DMD: variants seen among roughly 807,000 people sequenced by gnomAD.
DMD encodes the protein dystrophin, also known as mutant dystrophin.
DMD carries 63 observed loss-of-function variants against 330.1 expected under a neutral mutation model. The observed-to-expected ratio is 0.19, with a 90% CI of 0.16 to 0.24. The LOEUF is 0.24. Among genes scored for constraint, DMD ranks in the 10% least tolerant of loss-of-function variants. The pLI is 1.00. For synonymous variants in DMD, 1,223 were observed against 959.8 expected, an observed-to-expected ratio of 1.27 and a Z score of -5.07; for missense variants, 3,344 against 2,684.1, an observed-to-expected ratio of 1.25 and a Z score of -5.43.
At chrX:32,067,415 C>A (rs1306632316) in intron 44 of DMD, among the ~76,000 whole-genome samples, 1 of 110,225 alleles carries the variant, frequency 9.1e-6, no homozygotes, top group Non-Finnish European at 1.9e-5. Context: ...GGATATATGG[C>A]GTGATGCTGA....
intron 39 of DMD, 137 bp from the exon 40 acceptor site, chrX:32,343,423 A>G: frequency 5.2e-6 from 3 of 576,782 alleles, no homozygotes; most frequent in South Asian, 3.2e-5. Context: ...AATGCAAAAT[A>G]TACAAAGACA....
chrX:32,570,167 T>C (rs914038331), intron 15 of DMD, among the ~76,000 whole-genome samples: 1 of 111,664 alleles, frequency 9.0e-6, no homozygotes, highest in Non-Finnish European at 1.9e-5. Context: ...ATTACACTTA[T>C]TGTAAAGAGA....
intron 2 of DMD, among the ~76,000 whole-genome samples, chrX:33,006,243 C>A (rs775653698): frequency 2.3e-3 from 260 of 111,305 alleles, no homozygotes; most frequent in African/African-American, 7.2e-3. Flanking sequence ...ATAGACAAAC[C>A]GTTTCTAAAG....
chrX:32,480,021 G>C (rs1436495702), intron 21 of DMD, among the ~76,000 whole-genome samples: 3 of 111,133 alleles, frequency 2.7e-5, no homozygotes, highest in Non-Finnish European at 5.7e-5. Flanking sequence ...CTGGTAAGGA[G>C]TTAATATCCA....
intron 9 of DMD, among the ~76,000 whole-genome samples, chrX:32,680,077 C>G (rs1324548988): frequency 9.3e-6 from 1 of 107,281 alleles, no homozygotes; most frequent in Non-Finnish European, 1.9e-5. Context: ...CCACACCTGG[C>G]TGATTTTTGT....
intron 7 of DMD, among the ~76,000 whole-genome samples, chrX:32,765,143 T>G (rs2072818534): frequency 9.1e-6 from 1 of 110,066 alleles, no homozygotes; most frequent in African/African-American, 3.3e-5. Context: ...TAATTGCTGT[T>G]TTTCTGTTGT....
intron 44 of DMD, among the ~76,000 whole-genome samples, chrX:32,182,364 ATACTT>A (rs1436773483): frequency 1.8e-5 from 2 of 111,994 alleles, no homozygotes; most frequent in Admixed American, 1.9e-4. Flanking sequence ...AAATACAGAA[ATACTT>A]TACAGCCTTA....
At chrX:33,195,889 A>G (rs1434227625) in intron 1 of DMD, among the ~76,000 whole-genome samples, 2 of 111,143 alleles carry the variant, frequency 1.8e-5, no homozygotes, top group African/African-American at 6.5e-5. Context: ...GTAGTCATTC[A>G]TTTGTGTACC....
intron 16 of DMD, among the ~76,000 whole-genome samples, chrX:32,559,533 A>C (rs2050754496): frequency 9.0e-6 from 1 of 111,645 alleles, no homozygotes; most frequent in Non-Finnish European, 1.9e-5. Context: ...AGAGAGGCAA[A>C]CCATTTGCAA....
intron 1 of DMD, among the ~76,000 whole-genome samples, chrX:33,049,592 C>T (rs763103250): frequency 9.0e-6 from 1 of 110,604 alleles, no homozygotes; most frequent in African/African-American, 3.3e-5. Context: ...GCATAGACTG[C>T]CTTTTTTTTT....
chrX:31,997,493 T>G (rs1312596347), intron 44 of DMD, among the ~76,000 whole-genome samples: 2 of 109,670 alleles, frequency 1.8e-5, no homozygotes, highest in Admixed American at 2.0e-4. Context: ...AACTAACTCT[T>G]TAAACACTAA....
Position 32,013,417 on chromosome X carries a change from C to T in DMD, c.6439-44903G>A, listed in dbSNP as rs547776235. Among the ~76,000 whole-genome samples, 20 of 111,270 alleles carry T rather than the reference C, an allele frequency of 1.8e-4. No individual in the cohort carries two copies. In the South Asian group the frequency reaches 3.4e-3, roughly 19 times the overall value. ...CTTTCTTTTTATAATAAATGCAAAT[C>T]GTACTTCAACTGTGCATTCTAGGGC... On this transcript the variant is annotated intron_variant, in intron 44 of 78. Coordinates refer to ENST00000357033, the MANE Select transcript of DMD (RefSeq NM_004006.3).
At position 32,962,038 on chromosome X, in the gene DMD, T is replaced by A. The variant is rs182954210; in HGVS notation, c.93+58101A>T. On this transcript the variant is annotated intron_variant, in intron 2 of 78. Transcript: ENST00000357033. ...ACAATAATAGAATATTATACTTTTC[T>A]AGCTGGGGAAGGCTGATGACACAAA... 2.5e-4 allele frequency among the ~76,000 whole-genome samples: 28 copies of A among 111,866 alleles called. 1 individual carries two copies. The highest frequency in any genetic ancestry group is 2.5e-3 in the Admixed American group (26 of 10,454).
intron 11 of DMD, among the ~76,000 whole-genome samples, chrX:32,618,979 G>T (rs930153856): frequency 3.6e-5 from 4 of 111,179 alleles, no homozygotes; most frequent in Non-Finnish European, 7.6e-5. Context: ...CAAAGGAAAT[G>T]AAATCAGTAT....
intron 3 of DMD, among the ~76,000 whole-genome samples, chrX:32,848,737 G>A (rs1206895206): frequency 9.0e-6 from 1 of 111,325 alleles, no homozygotes; most frequent in Non-Finnish European, 1.9e-5. Flanking sequence ...ATTAGCAAAG[G>A]TAATTTGGGA....
intron 6 of DMD, 68 bp downstream of exon 6, chrX:32,816,399 GA>G (rs35367378): frequency 7.9e-6 from 9 of 1,143,748 alleles, no homozygotes; most frequent in Non-Finnish European, 1.1e-5. Flanking sequence ...CCATACTGGG[GA>G]AAAATATGTC....
chrX:31,960,216 C>T (rs1035485636), intron 45 of DMD, among the ~76,000 whole-genome samples: 1 of 110,780 alleles, frequency 9.0e-6, no homozygotes, highest in African/African-American at 3.3e-5. Flanking sequence ...ACTTGCATAG[C>T]CAGGTCAGGA....
chrX:31,548,149 T>C (rs1428487827), intron 55 of DMD, among the ~76,000 whole-genome samples: 1 of 111,730 alleles, frequency 9.0e-6, no homozygotes, highest in Admixed American at 9.5e-5. Flanking sequence ...TCTTGGGGCT[T>C]TTGACTTCAA....
intron 9 of DMD, among the ~76,000 whole-genome samples, chrX:32,681,366 G>A (rs2062409992): frequency 1.8e-5 from 2 of 111,321 alleles, no homozygotes; most frequent in South Asian, 7.7e-4. Flanking sequence ...TCCAATCACT[G>A]AAATTAGTTT....
Sources: allele counts gnomAD v4.1 joint callset (sites outside exome capture counted in the v4.1 genomes callset), GRCh38; gene constraint gnomAD v4.1.1; transcripts MANE v1.5; gene names NCBI Gene and HGNC (gene_info 2026-07-23, HGNC 2026-07-21).